The following STAP1 variants were observed in gnomAD, a reference collection of about 807,000 sequenced individuals.
The protein encoded by STAP1 is signal transducing adaptor family member 1.
Under a neutral mutation model 37.8 loss-of-function variants are expected in STAP1, and 30 were observed. That is an observed-to-expected ratio of 0.79 (90% CI 0.59 to 1.08). STAP1 has a LOEUF of 1.08. STAP1 is among the 50% of genes least tolerant of loss of function. The pLI is 0.00. For missense variants in STAP1, 357 were observed against 349.4 expected, an observed-to-expected ratio of 1.02 and a Z score of -0.17; for synonymous variants, 130 against 116.0, an observed-to-expected ratio of 1.12 and a Z score of -0.78.
In STAP1 at chr4:67,606,568, T is replaced by C. The variant is rs201358540; in HGVS notation, c.*211T>C. 2.1e-6 allele frequency: 1 copy of C among 483,822 alleles called. No homozygotes were observed. The highest frequency in any genetic ancestry group is 2.0e-5 in the African/African-American group (1 of 49,690). 30.0% of individuals were successfully genotyped at this position (483,822 alleles called of 1,614,324 possible). A position where few individuals can be genotyped will look rare whatever the true frequency, so the allele number is the denominator to read the frequency against. On this transcript the variant is annotated 3_prime_UTR_variant, in exon 9 of 9. Coordinates refer to ENST00000265404, the MANE Select transcript of STAP1 (RefSeq NM_012108.4). ...ACAGGGAAACTAGAGACTACGGCTG[T>C]GGTGGTAACCTGCAGATATACACAT...
chr4:67,590,620 T>C (rs1013901347), intron 6 of STAP1, among the ~76,000 whole-genome samples: 17 of 152,238 alleles, frequency 1.1e-4, no homozygotes, highest in African/African-American at 3.9e-4. Context: ...CTTGATTCCT[T>C]TTTTCCTGTT....
chr4:67,578,199 T>G (rs1727768502), intron 4 of STAP1, among the ~76,000 whole-genome samples: 1 of 152,154 alleles, frequency 6.6e-6, no homozygotes, highest in Non-Finnish European at 1.5e-5. Context: ...TTATTTTAGA[T>G]AAAGCCACTG....
Position 67,590,967 on chromosome 4 carries a change from TTTG to T in STAP1, c.729+24_729+26del, listed in dbSNP as rs763058262. ...CTGGAAAAACCTGTAAGTAACTATTTTTGTTGTTGTTGATGAACTTCCTCCCGA... is the reference window on the plus strand; with the variant it reads ...CTGGAAAAACCTGTAAGTAACTATTTTTGTTGTTGATGAACTTCCTCCCGA... On this transcript the variant is annotated intron_variant, in intron 7 of 8. Transcript: ENST00000265404. The T allele has an allele frequency of 3.1e-6, 5 of 1,603,756 alleles. No homozygotes were observed. The highest frequency in any genetic ancestry group is 3.4e-6 in the Non-Finnish European group (4 of 1,172,914).
intron 4 of STAP1, among the ~76,000 whole-genome samples, chr4:67,580,291 A>G (rs969534815): frequency 6.6e-6 from 1 of 152,172 alleles, no homozygotes; most frequent in African/African-American, 2.4e-5. Flanking sequence ...TTTTTCTGGT[A>G]TATATGGAAA....
chr4:67,590,819 T>C, intron 6 of STAP1, 65 bp from the exon 7 acceptor site: 1 of 1,063,304 alleles, frequency 9.4e-7, no homozygotes, highest in Non-Finnish European at 1.4e-6. Context: ...TATTTTATAT[T>C]TACTTTAGTT....
intron 4 of STAP1, among the ~76,000 whole-genome samples, chr4:67,579,906 C>T (rs181962951): frequency 9.0e-4 from 137 of 152,180 alleles, no homozygotes; most frequent in Middle Eastern, 3.4e-3. Flanking sequence ...TGCTCTGTCA[C>T]CCAGGCTGGA....
At chr4:67,599,107 T>A (rs963271394) in intron 8 of STAP1, among the ~76,000 whole-genome samples, 6 of 152,184 alleles carry the variant, frequency 3.9e-5, no homozygotes, top group Non-Finnish European at 5.9e-5. Flanking sequence ...GTTGTTGAAT[T>A]TTGTTTGTTA....
intron 6 of STAP1, among the ~76,000 whole-genome samples, chr4:67,589,320 T>C (rs1211233230): frequency 6.6e-6 from 1 of 152,206 alleles, no homozygotes; most frequent in African/African-American, 2.4e-5. Context: ...TGTTTTCTTT[T>C]AGGAAGGAAA....
rs779444695 is a variant in STAP1, at chr4:67,606,326, A to C, written c.857A>C (p.Glu286Ala). The C allele has an allele frequency of 6.2e-7, 1 of 1,612,202 alleles. No homozygotes were observed. Among genetic ancestry groups the C allele is most frequent in the Non-Finnish European group, 8.5e-7 (1 of 1,179,354 alleles). The stretch of plus-strand genomic sequence containing the variant: ...GAACCCAGTATGGAAGGGAGAAGTG[A>C]AAAGTTGAAGAAAAATCCACACATT... The part of the protein sequence containing the change: ...GQEPSMEGRS[E>A]KLKKNPHIA The change falls in exon 9 of 9, where the codon GAA (glutamate) becomes GCA (alanine). Residue 286 changes from glutamate (E) to alanine (A), a missense_variant. By Grantham distance (107) the Glu-to-Ala change is moderately radical. Coordinates refer to ENST00000265404, the MANE Select transcript of STAP1 (RefSeq NM_012108.4).
At chr4:67,559,832 T>C (rs1388799003) in intron 1 of STAP1, among the ~76,000 whole-genome samples, 1 of 152,096 alleles carries the variant, frequency 6.6e-6, no homozygotes, top group African/African-American at 2.4e-5. Context: ...GTGGAAAAAT[T>C]ATATATATGA....
chr4:67,577,818 T>C (rs1727760574), intron 4 of STAP1, among the ~76,000 whole-genome samples: 1 of 151,972 alleles, frequency 6.6e-6, no homozygotes. Context: ...CCAGCTAATT[T>C]CTGTATTTTT....
rs142832500 is a variant in STAP1 at position 67,583,592 on chromosome 4, C to A, written c.549C>A (p.Ser183=). 5.0e-6 allele frequency: 8 copies of A among 1,612,392 alleles called. No homozygotes were observed. In the African/African-American group the frequency reaches 5.4e-5, roughly 11 times the overall value. ...TCTGTAGATGTTTTTATACAGTGTC[C>A]CGGAAAGAGGCAACTGAGATGCTCC... The part of the protein sequence containing the change: ...NPMPACFYTV[S]RKEATEMLQK... The change falls in exon 6 of 9, where the codon TCC becomes TCA. Residue 183 remains serine, a synonymous_variant. Transcript: ENST00000265404.
At chr4:67,561,426 C>T (rs1727334829) in intron 1 of STAP1, among the ~76,000 whole-genome samples, 1 of 152,114 alleles carries the variant, frequency 6.6e-6, no homozygotes, top group African/African-American at 2.4e-5. Context: ...TGAAGAGTAA[C>T]CTGGTCTATA....
At chr4:67,602,518 T>C (rs1728365955) in intron 8 of STAP1, among the ~76,000 whole-genome samples, 1 of 152,156 alleles carries the variant, frequency 6.6e-6, no homozygotes, top group Non-Finnish European at 1.5e-5. Flanking sequence ...AAGAATTGAG[T>C]ATTCTGATCT....
intron 6 of STAP1, among the ~76,000 whole-genome samples, chr4:67,585,700 A>C (rs1727965603): frequency 6.6e-6 from 1 of 152,258 alleles, no homozygotes; most frequent in Admixed American, 6.5e-5. Context: ...TTTCAATTAC[A>C]ACCTAATTTG....
chr4:67,565,887 C>G (rs956922814), intron 1 of STAP1, among the ~76,000 whole-genome samples: 1 of 148,876 alleles, frequency 6.7e-6, no homozygotes, highest in African/African-American at 2.5e-5. Flanking sequence ...CAAAAAGAAG[C>G]TCCATGGGCA....
In STAP1 at chr4:67,606,833, T is replaced by C. The variant is rs1728459835; in HGVS notation, c.*476T>C. ...ACATGAAATGTACTAGAGGAGCCCT[T>C]TTCCAATGGAAATATTATATACCAC... On this transcript the variant is annotated 3_prime_UTR_variant, in exon 9 of 9. Transcript: ENST00000265404. The C allele has an allele frequency of 6.6e-6, 1 of 152,334 alleles. No individual in the cohort carries two copies. The highest frequency in any genetic ancestry group is 2.4e-5 in the African/African-American group (1 of 41,462). The allele number at this position is 152,334 out of a possible 1,614,324, so 9.4% of individuals were successfully genotyped here.
rs760348683 is a variant in STAP1, at chr4:67,558,922, G to C, written c.113G>C (p.Gly38Ala). The change falls in exon 1 of 9, where the codon GGA becomes GCA. Residue 38 changes from glycine (G) to alanine (A), a missense_variant. Physicochemically the swap from Gly to Ala is moderately conservative, Grantham distance 60. Transcript: ENST00000265404. Reference sequence around the variant, plus strand: ...GGTTTTTTATTAATCAAGCGGTCAGGATACCGGGTGAGTCTATAGATGATA... The same window carrying C: ...GGTTTTTTATTAATCAAGCGGTCAGCATACCGGGTGAGTCTATAGATGATA... ...FEGFLLIKRS[G>A]YREYEHYWTE... 15 of 1,611,670 alleles carry C rather than the reference G, an allele frequency of 9.3e-6. No homozygotes were observed. The highest frequency in any genetic ancestry group is 1.3e-5 in the Non-Finnish European group (15 of 1,178,818).
At chr4:67,582,043 G>A (rs184056365) in intron 5 of STAP1, among the ~76,000 whole-genome samples, 7 of 152,142 alleles carry the variant, frequency 4.6e-5, no homozygotes, top group Admixed American at 4.6e-4. Flanking sequence ...TGGTGGTGTT[G>A]TCAATAAAAC....
Sources: allele counts gnomAD v4.1 joint callset (sites outside exome capture counted in the v4.1 genomes callset), GRCh38; gene constraint gnomAD v4.1.1; transcripts MANE v1.5; gene names NCBI Gene and HGNC (gene_info 2026-07-23, HGNC 2026-07-21).